Variants in PDE1A observed in about 807,000 individuals in gnomAD.
PDE1A encodes dual specificity calcium/calmodulin-dependent 3',5'-cyclic nucleotide phosphodiesterase 1A.
Under a neutral mutation model 61.7 loss-of-function variants are expected in PDE1A, and 35 were observed. That is an observed-to-expected ratio of 0.57 (90% CI 0.43 to 0.75). The LOEUF is 0.75. Among genes scored for constraint, PDE1A ranks in the 30% least tolerant of loss-of-function variants. The pLI, the probability that PDE1A is intolerant of heterozygous loss-of-function variation, is 0.00. For missense variants in PDE1A, 597 were observed against 630.6 expected (o/e 0.95, Z 0.57); for synonymous variants, 232 against 213.2 (o/e 1.09, Z -0.77).
intron 2 of PDE1A, among the ~76,000 whole-genome samples, chr2:182,447,271 A>T (rs1368073834): frequency 6.6e-6 from 1 of 151,932 alleles, no homozygotes; most frequent in East Asian, 1.9e-4. Context: ...CATGTCATCT[A>T]TGAGCAATCA....
intron 1 of PDE1A, among the ~76,000 whole-genome samples, chr2:182,400,631 C>T (rs1175939232): frequency 1.3e-5 from 2 of 152,068 alleles, no homozygotes; most frequent in South Asian, 2.1e-4. Flanking sequence ...TCAAGCATAA[C>T]TGCATTTTCA....
intron 2 of PDE1A, among the ~76,000 whole-genome samples, chr2:182,468,200 C>T (rs556391150): frequency 6.6e-6 from 1 of 152,052 alleles, no homozygotes; most frequent in African/African-American, 2.4e-5. Context: ...AAGGTATCTC[C>T]GTAGCATGTG....
exon 1 of PDE1A, chr2:182,426,921 C>T (rs974550218): frequency 3.0e-5 from 34 of 1,142,120 alleles, no homozygotes; most frequent in African/African-American, 8.0e-5. Flanking sequence ...CGGGACCCTC[C>T]GAAACAGAAC....
chr2:182,240,473 A>T (rs1218030972), intron 2 of PDE1A, among the ~76,000 whole-genome samples, 181 bp from the exon 3 acceptor site: 1 of 152,226 alleles, frequency 6.6e-6, no homozygotes, highest in Non-Finnish European at 1.5e-5. Context: ...TTAATTTCTC[A>T]AATTGATCAT....
At chr2:182,653,760 T>C in the PDE1A span, among the ~76,000 whole-genome samples, 2 of 152,198 alleles carry the variant, frequency 1.3e-5, no homozygotes, top group South Asian at 2.1e-4. Context: ...GCAGCACTAG[T>C]AGCCCACTCA....
intron 13 of PDE1A, among the ~76,000 whole-genome samples, chr2:182,157,080 T>G (rs368445031): frequency 6.6e-6 from 1 of 150,996 alleles, no homozygotes; most frequent in African/African-American, 2.4e-5. Context: ...AATGGTGCAA[T>G]CTCGGCTCAC....
the PDE1A span, among the ~76,000 whole-genome samples, chr2:182,686,936 C>A: frequency 6.6e-6 from 1 of 151,700 alleles, no homozygotes; most frequent in Non-Finnish European, 1.5e-5. Context: ...TCAGTGCTAG[C>A]AAAGCAGTCT....
At chr2:182,583,816 A>C in the PDE1A span, among the ~76,000 whole-genome samples, 47 of 152,224 alleles carry the variant, frequency 3.1e-4, no homozygotes, top group South Asian at 2.1e-4. Flanking sequence ...TGAATTTAAA[A>C]ATCACCTATT....
the PDE1A span, among the ~76,000 whole-genome samples, chr2:182,567,773 C>T: frequency 1.3e-4 from 19 of 147,272 alleles, no homozygotes; most frequent in African/African-American, 4.5e-4. Context: ...TTAATGTTTA[C>T]TTTTTTTTTC....
At chr2:182,558,650 C>T in the PDE1A span, among the ~76,000 whole-genome samples, 1 of 152,132 alleles carries the variant, frequency 6.6e-6, no homozygotes, top group Admixed American at 6.5e-5. Context: ...AAAAGTGAAA[C>T]AGCTAACAGT....
intron 1 of PDE1A, among the ~76,000 whole-genome samples, chr2:182,290,967 G>A (rs1436122219): frequency 6.6e-6 from 1 of 151,956 alleles, no homozygotes; most frequent in Admixed American, 6.6e-5. Context: ...CTAGAAATGT[G>A]GTTTTCATGT....
chr2:182,322,246 C>T (rs189426899), intron 1 of PDE1A, among the ~76,000 whole-genome samples: 18 of 152,262 alleles, frequency 1.2e-4, no homozygotes, highest in South Asian at 4.2e-4. Flanking sequence ...AGAATCAACT[C>T]GAGACTTCAT....
At chr2:182,209,033 T>C (rs1253667593) in intron 7 of PDE1A, among the ~76,000 whole-genome samples, 2 of 152,060 alleles carry the variant, frequency 1.3e-5, no homozygotes, top group Admixed American at 1.3e-4. Flanking sequence ...GCATGATTGG[T>C]TTTTTGAAAT....
intron 2 of PDE1A, among the ~76,000 whole-genome samples, chr2:182,467,369 T>C (rs1338305930): frequency 6.6e-6 from 1 of 151,950 alleles, no homozygotes; most frequent in African/African-American, 2.4e-5. Context: ...TTTTTAAAAA[T>C]TGAGTAGTTT....
At chr2:182,243,837 C>T (rs989815667) in intron 2 of PDE1A, among the ~76,000 whole-genome samples, 4 of 152,104 alleles carry the variant, frequency 2.6e-5, no homozygotes, top group Non-Finnish European at 5.9e-5. Context: ...ACATATGGCT[C>T]AAAGTCTTAA....
At chr2:182,221,590 C>G (rs1361558125) in intron 7 of PDE1A, among the ~76,000 whole-genome samples, 1 of 151,980 alleles carries the variant, frequency 6.6e-6, no homozygotes, top group Admixed American at 6.6e-5. Flanking sequence ...TCTCTGGGAC[C>G]CTGGGGTTTC....
intron 13 of PDE1A, among the ~76,000 whole-genome samples, chr2:182,151,216 T>C (rs1367568384): frequency 6.6e-6 from 1 of 152,224 alleles, no homozygotes; most frequent in Non-Finnish European, 1.5e-5. Flanking sequence ...GCCTCTCAAG[T>C]AGCTGGGACT....
chr2:182,685,968 C>A, the PDE1A span, among the ~76,000 whole-genome samples: 1 of 152,262 alleles, frequency 6.6e-6, no homozygotes, highest in South Asian at 2.1e-4. Context: ...CATCATATAT[C>A]ATATAATGAT....
the PDE1A span, among the ~76,000 whole-genome samples, chr2:182,623,812 A>C: frequency 6.6e-6 from 1 of 152,156 alleles, no homozygotes; most frequent in Non-Finnish European, 1.5e-5. Flanking sequence ...AGCTTGCTTG[A>C]ACATTATACA....
Sources: allele counts gnomAD v4.1 joint callset (sites outside exome capture counted in the v4.1 genomes callset), GRCh38; gene constraint gnomAD v4.1.1; transcripts MANE v1.5; gene names NCBI Gene and HGNC (gene_info 2026-07-23, HGNC 2026-07-21).